SGCZ: variants seen among roughly 807,000 people sequenced by gnomAD.
The protein encoded by SGCZ is sarcoglycan zeta, also known as zeta-sarcoglycan.
In SGCZ, 40 loss-of-function variants were observed where a neutral mutation model predicts 41.3. The observed-to-expected ratio is 0.97, with a 90% CI of 0.75 to 1.26. SGCZ has a LOEUF of 1.26. Among genes scored for constraint, SGCZ ranks in the 50% most tolerant of loss-of-function variants. The probability of loss-of-function intolerance (pLI) is 0.00; values close to 1 mark genes in which losing one functional copy is unlikely to be tolerated. For synonymous variants in SGCZ, 206 were observed against 137.5 expected, an observed-to-expected ratio of 1.50 and a Z score of -3.49; for missense variants, 552 against 369.8, an observed-to-expected ratio of 1.49 and a Z score of -4.04.
rs971612121 is a variant in SGCZ, at chr8:15,176,315, C to A, written c.39+61270G>T. Reference sequence around the variant, plus strand: ...TTAGCCATAGGATTTTATTATATTTCTTTTTTTAATGAACATGTTACATGT... The same window carrying A: ...TTAGCCATAGGATTTTATTATATTTATTTTTTTAATGAACATGTTACATGT... On this transcript the variant is annotated intron_variant, in intron 1 of 7. Coordinates refer to ENST00000382080, the MANE Select transcript of SGCZ (RefSeq NM_139167.4). 2.6e-5 allele frequency among the ~76,000 whole-genome samples: 4 copies of A among 152,014 alleles called. No individual in the cohort carries two copies. In the South Asian group the frequency reaches 6.2e-4, roughly 24 times the overall value.
chr8:14,449,149 A>G (rs1343443348), intron 2 of SGCZ, among the ~76,000 whole-genome samples: 1 of 152,176 alleles, frequency 6.6e-6, no homozygotes, highest in African/African-American at 2.4e-5. Flanking sequence ...TGCTGTACAA[A>G]TGATTTTACC....
chr8:15,027,960 T>G (rs1466602800), intron 1 of SGCZ, among the ~76,000 whole-genome samples: 1 of 152,086 alleles, frequency 6.6e-6, no homozygotes, highest in Non-Finnish European at 1.5e-5. Context: ...ACCTTTATGT[T>G]AAGTTAAAAC....
chr8:14,788,198 A>G (rs1258203757), intron 1 of SGCZ, among the ~76,000 whole-genome samples: 4 of 152,204 alleles, frequency 2.6e-5, no homozygotes, highest in Non-Finnish European at 5.9e-5. Context: ...TAAGTCTTCT[A>G]TCTGTCAAGG....
At chr8:14,782,460 A>C (rs558217695) in intron 1 of SGCZ, among the ~76,000 whole-genome samples, 1 of 152,272 alleles carries the variant, frequency 6.6e-6, no homozygotes, top group Admixed American at 6.5e-5. Flanking sequence ...TCTAACTTCT[A>C]ATGTTTCTTT....
chr8:15,114,946 A>C (rs927290253), intron 1 of SGCZ, among the ~76,000 whole-genome samples: 1 of 152,204 alleles, frequency 6.6e-6, no homozygotes, highest in African/African-American at 2.4e-5. Context: ...AAAGACAAGC[A>C]TATGGGCCTA....
intron 1 of SGCZ, among the ~76,000 whole-genome samples, chr8:14,615,226 T>C (rs951787842): frequency 7.2e-5 from 11 of 152,222 alleles, no homozygotes; most frequent in African/African-American, 2.7e-4. Context: ...AATTCCTACA[T>C]AACAAACTGC....
At chr8:14,941,072 T>G (rs1176174979) in intron 1 of SGCZ, among the ~76,000 whole-genome samples, 1 of 152,080 alleles carries the variant, frequency 6.6e-6, no homozygotes, top group Non-Finnish European at 1.5e-5. Context: ...CATTTTTACC[T>G]AGCATTAGGC....
chr8:14,333,248 G>A (rs962325732), intron 2 of SGCZ, among the ~76,000 whole-genome samples: 7 of 151,920 alleles, frequency 4.6e-5, no homozygotes, highest in East Asian at 1.9e-4. Context: ...ATACTATATC[G>A]AAAAGCCAAG....
chr8:14,129,739 C>G (rs999445622), intron 5 of SGCZ, among the ~76,000 whole-genome samples: 17 of 145,676 alleles, frequency 1.2e-4, no homozygotes, highest in African/African-American at 4.5e-4. Flanking sequence ...TTGACAATAA[C>G]ATATAAAATA....
At chr8:14,914,530 GA>G (rs34355003) in intron 1 of SGCZ, among the ~76,000 whole-genome samples, 18 of 149,848 alleles carry the variant, frequency 1.2e-4, no homozygotes, top group East Asian at 1.2e-3. Flanking sequence ...AAGAGACAGT[GA>G]AAAAAAAATG....
At chr8:14,246,497 A>G (rs10091790) in intron 3 of SGCZ, among the ~76,000 whole-genome samples, 1,582 of 152,086 alleles carry the variant, frequency 0.01, 34 homozygotes, top group African/African-American at 0.036. Context: ...CCTAATGCTA[A>G]ATGACGAGTT....
chr8:14,884,815 A>G lies in SGCZ; in HGVS notation c.40-329889T>C, dbSNP rs1209869093. ...ATCTAATATTAAAAGAAAGCTCTAG[A>G]GATATCTCTTCTTACCCCATCTCCT... is the stretch of plus-strand genomic sequence containing the variant. On this transcript the variant is annotated intron_variant, in intron 1 of 7. Transcript: ENST00000382080. Among the ~76,000 whole-genome samples, 6 of 152,242 alleles carry G rather than the reference A, an allele frequency of 3.9e-5. No individual in the cohort carries two copies. The East Asian group carries it at 9.7e-4, about 25-fold the overall frequency.
At chr8:14,989,591 T>G (rs2130891794) in intron 1 of SGCZ, among the ~76,000 whole-genome samples, 1 of 151,552 alleles carries the variant, frequency 6.6e-6, no homozygotes, top group African/African-American at 2.4e-5. Flanking sequence ...TCAGGGATTC[T>G]TTCCTTTAAG....
At chr8:14,395,605 A>G (rs1007957610) in intron 2 of SGCZ, among the ~76,000 whole-genome samples, 3 of 152,202 alleles carry the variant, frequency 2.0e-5, no homozygotes, top group East Asian at 1.9e-4. Context: ...TTGATTTTCA[A>G]TTATAAGATA....
At chr8:15,220,335 C>T (rs1801551367) in intron 1 of SGCZ, among the ~76,000 whole-genome samples, 2 of 152,040 alleles carry the variant, frequency 1.3e-5, no homozygotes, top group African/African-American at 4.8e-5. Flanking sequence ...GTGTAAGAAT[C>T]AGAGACATAA....
intron 1 of SGCZ, among the ~76,000 whole-genome samples, chr8:14,653,258 G>C (rs7003856): frequency 2.0e-5 from 3 of 151,906 alleles, no homozygotes; most frequent in Admixed American, 1.3e-4. Context: ...CTGGTTTGAG[G>C]CAGTAACAAG....
intron 7 of SGCZ, among the ~76,000 whole-genome samples, chr8:14,095,663 G>A (rs988729911): frequency 1.3e-5 from 2 of 152,148 alleles, no homozygotes; most frequent in African/African-American, 4.8e-5. Context: ...GCTTGATGGG[G>A]ATAGCATTGA....
At chr8:14,791,977 T>C (rs781106030) in intron 1 of SGCZ, among the ~76,000 whole-genome samples, 1 of 152,172 alleles carries the variant, frequency 6.6e-6, no homozygotes, top group Non-Finnish European at 1.5e-5. Flanking sequence ...AATTATAGAA[T>C]GTAAATAATG....
intron 1 of SGCZ, among the ~76,000 whole-genome samples, chr8:14,915,106 T>G (rs1441158256): frequency 6.6e-6 from 1 of 152,200 alleles, no homozygotes; most frequent in African/African-American, 2.4e-5. Context: ...CCCTCTTTCA[T>G]GAAGACAGTT....
Sources: allele counts gnomAD v4.1 joint callset (sites outside exome capture counted in the v4.1 genomes callset), GRCh38; gene constraint gnomAD v4.1.1; transcripts MANE v1.5; gene names NCBI Gene and HGNC (gene_info 2026-07-23, HGNC 2026-07-21).